The following IPO9 variants were observed in gnomAD, a reference collection of about 807,000 sequenced individuals.
IPO9 encodes the protein importin 9.
In IPO9, 28 loss-of-function variants were observed where a neutral mutation model predicts 128.6. The observed-to-expected ratio is 0.22, with a 90% CI of 0.16 to 0.30. IPO9 has a LOEUF of 0.30. Ranked by LOEUF, IPO9 falls within the 10% of genes least tolerant of loss-of-function variation. The pLI is 1.00. For missense variants in IPO9, 935 were observed against 1,293.9 expected, an observed-to-expected ratio of 0.72 and a Z score of 4.26; for synonymous variants, 455 against 475.8, an observed-to-expected ratio of 0.96 and a Z score of 0.57.
At position 201,869,693 on chromosome 1, in the gene IPO9, AC is replaced by A; in HGVS notation, c.2109del (p.His703GlnfsTer21). ...CCTGCTGTGGCACAGTGTACCCTTC[AC>A]ACAGATGACAATGCCACCATGCAGG... ...AFPAVAQCTL[H>X]TDDNATMQNG... On this transcript the variant is annotated frameshift_variant, in exon 17 of 24. Coordinates refer to ENST00000361565, the MANE Select transcript of IPO9 (RefSeq NM_018085.5). LOFTEE classifies it high-confidence loss of function. The A allele has an allele frequency of 6.2e-7, 1 of 1,614,098 alleles. No homozygotes were observed. The highest frequency in any genetic ancestry group is 8.5e-7 in the Non-Finnish European group (1 of 1,180,008).
Position 201,870,517 on chromosome 1 carries a change from A to G in IPO9, c.2134-66A>G, listed in dbSNP as rs188291256. 3.5e-4 allele frequency: 539 copies of G among 1,544,560 alleles called. 4 individuals carry two copies. The African/African-American group carries it at 6.8e-3, about 20-fold the overall frequency. ...GGCCTCTGGGAACATTTGTTTATAC[A>G]GACTGAGGGCCTTCTGGCATCTGTC... On this transcript the variant is annotated intron_variant, in intron 17 of 23. Transcript: ENST00000361565. The surrounding 1 kb of genome is among the most constrained non-coding windows in gnomAD (Gnocchi z 4.9).
chr1:201,849,664 T>C (rs1558218540), intron 4 of IPO9, among the ~76,000 whole-genome samples: 1 of 152,226 alleles, frequency 6.6e-6, no homozygotes, highest in African/African-American at 2.4e-5. Context: ...ATCAACTCTT[T>C]GTCAAATGCA....
At chr1:201,874,465 T>TG in intron 21 of IPO9, 93 bp downstream of exon 21, 1 of 1,457,336 alleles carries the variant, frequency 6.9e-7, no homozygotes, top group Non-Finnish European at 9.2e-7. Flanking sequence ...AGTCACTAAT[T>TG]GAAAAAAAAA....
Position 201,842,399 on chromosome 1 carries a change from T to G in IPO9, c.164-4880T>G, listed in dbSNP as rs570165350. 4.6e-5 allele frequency among the ~76,000 whole-genome samples: 7 copies of G among 152,232 alleles called. No individual in the cohort carries two copies. The South Asian group carries it at 1.5e-3, about 32-fold the overall frequency. On this transcript the variant is annotated intron_variant, in intron 1 of 23. Coordinates refer to ENST00000361565, the MANE Select transcript of IPO9 (RefSeq NM_018085.5). Reference sequence around the variant, plus strand: ...CCATGATTGATTGAACCACTGACCATTGATGATCAACTTAACCTTCAGCCC... The same window carrying G: ...CCATGATTGATTGAACCACTGACCAGTGATGATCAACTTAACCTTCAGCCC...
rs752008305 is a variant in IPO9, at chr1:201,857,096, A to G, written c.1123A>G (p.Ile375Val). ...CAAAGACATAACTTGATCTTTTCAG[A>G]TTAAAGTATGGACAGCCAACCCCCA... ...ILYMQITEEQ[I>V]KVWTANPQQF... The change falls in exon 11 of 24, where the codon ATT becomes GTT. Residue 375 changes from isoleucine (I) to valine (V), a missense_variant and splice_region_variant. Ile to Val is a conservative substitution (Grantham distance 29). This residue lies in a region of IPO9 where 741 missense variants were observed against 1,019.1 expected (regional missense o/e 0.73). Coordinates refer to ENST00000361565, the MANE Select transcript of IPO9 (RefSeq NM_018085.5). 36 of 1,581,854 alleles carry G rather than the reference A, an allele frequency of 2.3e-5. No individual in the cohort carries two copies. The highest frequency in any genetic ancestry group is 2.1e-5 in the Non-Finnish European group (24 of 1,150,742).
chr1:201,859,183 A>AAATATATATATATATATATATATG (rs1680392044), intron 13 of IPO9, among the ~76,000 whole-genome samples, 189 bp downstream of exon 13: 1 of 130,852 alleles, frequency 7.6e-6, no homozygotes, highest in African/African-American at 2.9e-5. Context: ...AAAGTATAAT[A>AAATATATATATATATATATATATG]TATATATATA....
chr1:201,875,819 C>A, intron 23 of IPO9, 125 bp from the exon 24 acceptor site: 1 of 697,964 alleles, frequency 1.4e-6, no homozygotes. Flanking sequence ...GAAAGACCAT[C>A]CCTCAGGGAG....
At chr1:201,875,318 G>GA in intron 23 of IPO9, 90 bp downstream of exon 23, 11 of 1,161,176 alleles carry the variant, frequency 9.5e-6, no homozygotes, top group Non-Finnish European at 1.4e-5. Flanking sequence ...AGCCAGGCAT[G>GA]GTGGCTCATG....
intron 4 of IPO9, among the ~76,000 whole-genome samples, chr1:201,849,915 C>T (rs1268724558): frequency 6.6e-6 from 1 of 152,210 alleles, no homozygotes; most frequent in East Asian, 1.9e-4. Flanking sequence ...CACCCCTCTG[C>T]ATGGAATTGG....
At position 201,870,016 on chromosome 1, in the gene IPO9, A is replaced by C. The variant is rs1167294498; in HGVS notation, c.2133+298A>C. ...TGGGGCCATAAGAAAGTCTTTCTGC[A>C]TATTTCTTCTAGTAATAAAGTCAGC... On this transcript the variant is annotated intron_variant, in intron 17 of 23. Coordinates refer to ENST00000361565, the MANE Select transcript of IPO9 (RefSeq NM_018085.5). The surrounding 1 kb of genome is among the most constrained non-coding windows in gnomAD (Gnocchi z 4.9). Among the ~76,000 whole-genome samples the C allele has an allele frequency of 6.6e-6, 1 of 152,214 alleles. No homozygotes were observed. The highest frequency in any genetic ancestry group is 1.5e-5 in the Non-Finnish European group (1 of 68,038).
At chr1:201,859,967 A>AG (rs1186008744) in intron 13 of IPO9, among the ~76,000 whole-genome samples, 9 of 152,230 alleles carry the variant, frequency 5.9e-5, no homozygotes, top group Admixed American at 1.3e-4. Context: ...TAAAAAAAAA[A>AG]AAAAGGTAGC....
chr1:201,858,771 C>T, intron 12 of IPO9, 84 bp from the exon 13 acceptor site: 1 of 1,405,332 alleles, frequency 7.1e-7, no homozygotes, highest in Non-Finnish European at 9.8e-7. Flanking sequence ...TGCTGGAGTG[C>T]CCTTTTCTGA....
rs139797468 is a variant in IPO9, at chr1:201,872,906, A to G, written c.2655A>G (p.Gly885=). Residue 885 remains glycine (G), a synonymous_variant, in exon 20 of 24, where the codon GGA becomes GGG. Transcript: ENST00000361565. ...GGCTACAGGATATCCGTGTGAAGGG[A>G]GAGGAGATCTACAGCATGGATGAGG... The part of the protein sequence containing the change: ...DKRLQDIRVK[G]EEIYSMDEGI... The G allele has an allele frequency of 6.2e-6, 10 of 1,613,850 alleles. No homozygotes were observed. The highest frequency in any genetic ancestry group is 8.5e-6 in the Non-Finnish European group (10 of 1,179,974).
chr1:201,829,418 C>T lies in IPO9; in HGVS notation c.163+46C>T, dbSNP rs779451462. ...ACGAGGATGGCTCAGCCGCACAATCCGCTGACCGCAGCTCCGTACCGGCTG... is the reference window on the plus strand; with the variant it reads ...ACGAGGATGGCTCAGCCGCACAATCTGCTGACCGCAGCTCCGTACCGGCTG... On this transcript the variant is annotated intron_variant, in intron 1 of 23. Transcript: ENST00000361565. 4 of 1,497,650 alleles carry T rather than the reference C, an allele frequency of 2.7e-6. No homozygotes were observed. In the East Asian group the frequency reaches 8.4e-5, roughly 31 times the overall value. 92.8% of individuals were successfully genotyped at this position (1,497,650 alleles called of 1,614,324 possible).
chr1:201,866,116 G>T (rs1680550800), intron 14 of IPO9, among the ~76,000 whole-genome samples: 1 of 152,120 alleles, frequency 6.6e-6, no homozygotes, highest in Non-Finnish European at 1.5e-5. Flanking sequence ...GTCTCCAGGG[G>T]AAACTGATGT....
chr1:201,829,262 C>A lies in IPO9; in HGVS notation c.53C>A (p.Ala18Glu). The A allele has an allele frequency of 6.3e-7, 1 of 1,592,362 alleles. No homozygotes were observed. ...GCCTCCGGGCTGCCGGGTCCAGTGG[C>A]ACAAGGATTAAAGGAAGCGTTAGTG... Reference protein sequence around the residue: ...GAASGLPGPVAQGLKEALVDT... With the variant: ...GAASGLPGPVEQGLKEALVDT... Residue 18 changes from alanine to glutamate, a missense_variant, in exon 1 of 24, where the codon GCA becomes GAA. By Grantham distance (107) the Ala-to-Glu change is moderately radical. Around this residue, in one of 3 missense-constraint regions of IPO9, gnomAD observed 741 missense variants for 1,019.1 expected, o/e 0.73. Transcript: ENST00000361565.
rs993148938 is a variant in IPO9, at chr1:201,868,561, G to A, written c.1856-87G>A. 5 of 1,445,886 alleles carry A rather than the reference G, an allele frequency of 3.5e-6. No homozygotes were observed. The African/African-American group carries it at 4.2e-5, about 12-fold the overall frequency. The allele number at this position is 1,445,886 out of a possible 1,614,324, so 89.6% of individuals were successfully genotyped here. On this transcript the variant is annotated intron_variant, in intron 15 of 23. Transcript: ENST00000361565. ...ATCAATGCAGAAGTTGTTAACTTAG[G>A]TTAGGGCCAAACAACAGGCATCATT...
chr1:201,854,634 T>C lies in IPO9; in HGVS notation c.730T>C (p.Phe244Leu). 1 of 1,614,168 alleles carries C rather than the reference T, an allele frequency of 6.2e-7. No homozygotes were observed. The highest frequency in any genetic ancestry group is 8.5e-7 in the Non-Finnish European group (1 of 1,180,030). Residue 244 changes from phenylalanine (F) to leucine (L), a missense_variant, in exon 7 of 24, where the codon TTC (phenylalanine) becomes CTC (leucine). Coordinates refer to ENST00000361565, the MANE Select transcript of IPO9 (RefSeq NM_018085.5). ...CCTGATCTTTCCCGTGGTACAGCAG[T>C]TCACAGAGGCCTTTGTTCAGGCCCT... is the stretch of plus-strand genomic sequence containing the variant. ...KVLIFPVVQQ[F>L]TEAFVQALQI...
chr1:201,847,231 T>C (rs1229625321), intron 1 of IPO9, 48 bp from the exon 2 acceptor site: 1 of 1,408,600 alleles, frequency 7.1e-7, no homozygotes, highest in East Asian at 2.3e-5. Context: ...AGTAAATTTC[T>C]ATGGCTTTCC....
Sources: gnomAD v4.1 joint callset for allele counts (sites outside exome capture counted in the v4.1 genomes callset) on GRCh38, gnomAD v4.1.1 for gene constraint, gnomAD v4.1.1 regional missense constraint, Gnocchi (gnomAD v3.1) non-coding constraint, MANE v1.5 for transcripts, NCBI Gene and HGNC (gene_info 2026-07-23, HGNC 2026-07-21) for gene names.